Variants in EDA observed in about 807,000 individuals in gnomAD.
The protein encoded by EDA is ectodysplasin-A.
EDA carries 2 observed loss-of-function variants against 23.6 expected under a neutral mutation model. That is an observed-to-expected ratio of 0.08 (90% CI 0.03 to 0.27). The LOEUF is 0.27. Among genes scored for constraint, EDA ranks in the 10% least tolerant of loss-of-function variants. The pLI, the probability that EDA is intolerant of heterozygous loss-of-function variation, is 1.00. For missense variants in EDA, 229 were observed against 324.2 expected, an observed-to-expected ratio of 0.71 and a Z score of 2.26; for synonymous variants, 131 against 132.0, an observed-to-expected ratio of 0.99 and a Z score of 0.05.
At chrX:69,710,326 T>C (rs1167447613) in intron 1 of EDA, among the ~76,000 whole-genome samples, 1 of 110,781 alleles carries the variant, frequency 9.0e-6, no homozygotes, top group Non-Finnish European at 1.9e-5. Flanking sequence ...GCATTATTTC[T>C]GAGGGCTCTG....
At chrX:69,755,672 C>G (rs759126467) in intron 1 of EDA, among the ~76,000 whole-genome samples, 22 of 112,696 alleles carry the variant, frequency 2.0e-4, no homozygotes, top group Admixed American at 1.0e-3. Flanking sequence ...GTGGAGTCTA[C>G]AGAGGCTGAC....
intron 1 of EDA, among the ~76,000 whole-genome samples, chrX:69,810,584 G>A (rs1247876724): frequency 7.5e-5 from 8 of 107,217 alleles, no homozygotes; most frequent in Admixed American, 2.0e-4. Context: ...TGGTGAAACC[G>A]CATTCTACTA....
At chrX:70,005,484 C>T (rs189300085) in intron 2 of EDA, among the ~76,000 whole-genome samples, 1 of 111,128 alleles carries the variant, frequency 9.0e-6, no homozygotes, top group African/African-American at 3.3e-5. Flanking sequence ...AGCCCTTGCC[C>T]TCAAGGAGTT....
chrX:69,866,299 G>A (rs2017484834), intron 1 of EDA, among the ~76,000 whole-genome samples: 1 of 111,439 alleles, frequency 9.0e-6, no homozygotes, highest in South Asian at 3.8e-4. Context: ...TTGTGGAGTA[G>A]TAGACTTATT....
chrX:69,670,199 T>TC, intron 1 of EDA: 1 of 342,292 alleles, frequency 2.9e-6, no homozygotes, highest in Non-Finnish European at 5.0e-6. Context: ...TTTTTTTTTT[T>TC]TTTCTTTCAG....
intron 1 of EDA, among the ~76,000 whole-genome samples, chrX:69,741,339 C>G (rs1315402529): frequency 1.8e-5 from 2 of 111,441 alleles, no homozygotes; most frequent in Non-Finnish European, 3.8e-5. Flanking sequence ...ACCAACACCC[C>G]CTTCCCCAGT....
At chrX:69,644,818 C>T (rs1932886776) in intron 1 of EDA, among the ~76,000 whole-genome samples, 1 of 111,220 alleles carries the variant, frequency 9.0e-6, no homozygotes, top group South Asian at 3.8e-4. Context: ...GAGATTTTAA[C>T]GTGAAGGGAT....
rs976988728 is a variant in EDA at position 69,836,368 on chromosome X, G to T, written c.397-120659G>T. On this transcript the variant is annotated intron_variant, in intron 1 of 7. Coordinates refer to ENST00000374552, the MANE Select transcript of EDA (RefSeq NM_001399.5). ...GTAGAGTCTAGAGGCAGTAGGCCTG[G>T]TTGAGCTGTGGTGGGCACCGCCCAG... Among the ~76,000 whole-genome samples, 3 of 112,540 alleles carry T rather than the reference G, an allele frequency of 2.7e-5. No individual in the cohort carries two copies. In the East Asian group the frequency reaches 8.4e-4, roughly 32 times the overall value.
chrX:69,879,242 G>A (rs1479099220), intron 1 of EDA, among the ~76,000 whole-genome samples: 2 of 111,129 alleles, frequency 1.8e-5, no homozygotes, highest in Admixed American at 9.6e-5. Context: ...TTGGGGATGA[G>A]CCCAGGGATT....
chrX:69,990,448 A>ATCTACTGATTGATAGCTATCTACT (rs1569395530), intron 2 of EDA, among the ~76,000 whole-genome samples: 23 of 111,214 alleles, frequency 2.1e-4, no homozygotes, highest in African/African-American at 6.9e-4. Flanking sequence ...ACTGATAGCT[A>ATCTACTGATTGATAGCTATCTACT]GACCAGTTCC....
At chrX:69,685,008 A>G (rs1451868744) in intron 1 of EDA, among the ~76,000 whole-genome samples, 1 of 112,102 alleles carries the variant, frequency 8.9e-6, no homozygotes, top group Non-Finnish European at 1.9e-5. Context: ...TCCATTTTAA[A>G]TGTCTTTGTT....
intron 1 of EDA, among the ~76,000 whole-genome samples, chrX:69,800,148 T>C (rs972245136): frequency 1.3e-3 from 150 of 111,992 alleles, no homozygotes; most frequent in African/African-American, 4.7e-3. Context: ...CTCACTCATA[T>C]GTGGGAGCTA....
chrX:69,830,037 A>G (rs1258441873), intron 1 of EDA, among the ~76,000 whole-genome samples: 1 of 109,712 alleles, frequency 9.1e-6, no homozygotes, highest in Non-Finnish European at 1.9e-5. Flanking sequence ...TTTTACTGAC[A>G]ATAACAGGCA....
intron 1 of EDA, among the ~76,000 whole-genome samples, chrX:69,757,416 T>C (rs545003265): frequency 1.8e-5 from 2 of 111,682 alleles, no homozygotes; most frequent in Admixed American, 9.5e-5. Flanking sequence ...AGTTGAAATC[T>C]CTCTTTTTTG....
chrX:69,669,446 G>A (rs1444398164), intron 1 of EDA, among the ~76,000 whole-genome samples: 1 of 110,494 alleles, frequency 9.1e-6, no homozygotes, highest in Admixed American at 9.6e-5. Context: ...TCTGCTGTAG[G>A]TTTTTGTTTT....
At chrX:69,863,005 C>T (rs1470814449) in intron 1 of EDA, among the ~76,000 whole-genome samples, 1 of 104,957 alleles carries the variant, frequency 9.5e-6, no homozygotes, top group Non-Finnish European at 2.0e-5. Flanking sequence ...ACCACAACAG[C>T]ACCACCACTA....
chrX:69,871,134 G>A (rs755841461), intron 1 of EDA, among the ~76,000 whole-genome samples: 3 of 111,336 alleles, frequency 2.7e-5, no homozygotes, highest in African/African-American at 9.8e-5. Flanking sequence ...TTTCTGCCAA[G>A]GACTATTAAT....
chrX:69,990,888 T>C (rs1042221388), intron 2 of EDA, among the ~76,000 whole-genome samples: 1 of 110,472 alleles, frequency 9.1e-6, no homozygotes, highest in African/African-American at 3.3e-5. Flanking sequence ...AGTCCATTTT[T>C]CTCTGTTCTT....
intron 2 of EDA, among the ~76,000 whole-genome samples, chrX:69,990,192 C>G (rs903792891): frequency 7.2e-5 from 8 of 110,429 alleles, no homozygotes; most frequent in African/African-American, 2.6e-4. Flanking sequence ...TTTAAACCCG[C>G]TTTAGTTAAA....
Sources: gnomAD v4.1 joint callset for allele counts (sites outside exome capture counted in the v4.1 genomes callset) on GRCh38, gnomAD v4.1.1 for gene constraint, MANE v1.5 for transcripts, NCBI Gene and HGNC (gene_info 2026-07-23, HGNC 2026-07-21) for gene names.